PDLIM4: variants seen among roughly 807,000 people sequenced by gnomAD.
The protein encoded by PDLIM4 is PDZ and LIM domain protein 4.
In PDLIM4, 19 loss-of-function variants were observed where a neutral mutation model predicts 31.3. The observed-to-expected ratio is 0.61, with a 90% CI of 0.42 to 0.89. The LOEUF (loss-of-function observed/expected upper bound fraction) is 0.89. PDLIM4 is among the 40% of genes least tolerant of loss of function. PDLIM4 has a pLI of 0.00. For missense variants in PDLIM4, 442 were observed against 461.1 expected (o/e 0.96, Z 0.38); for synonymous variants, 176 against 190.1 (o/e 0.93, Z 0.61).
In PDLIM4 at chr5:132,272,224, G is replaced by C. The variant is rs1756642096; in HGVS notation, c.988G>C (p.Val330Leu). The C allele has an allele frequency of 2.5e-6, 4 of 1,613,480 alleles. No individual in the cohort carries two copies. The highest frequency in any genetic ancestry group is 3.4e-6 in the Non-Finnish European group (4 of 1,179,494). Reference protein sequence around the residue: ...AVYPNAKVELV With the variant: ...AVYPNAKVELL ...GTACCCCAATGCCAAGGTGGAACTC[G>C]TCTGAGCTGGGACCCTGCTCCCACG... Residue 330 changes from valine (V) to leucine (L), a missense_variant, in exon 7 of 7, where the codon GTC becomes CTC. Val to Leu is a conservative substitution (Grantham distance 32). Coordinates refer to ENST00000253754, the MANE Select transcript of PDLIM4 (RefSeq NM_003687.4).
chr5:132,266,674 A>G, intron 3 of PDLIM4, 129 bp downstream of exon 3: 2 of 590,552 alleles, frequency 3.4e-6, no homozygotes, highest in Non-Finnish European at 6.0e-6. Flanking sequence ...AGACTGAAGC[A>G]GAAGTTTTCT....
At chr5:132,259,512 C>T (rs934781330) in intron 1 of PDLIM4, among the ~76,000 whole-genome samples, 1 of 152,156 alleles carries the variant, frequency 6.6e-6, no homozygotes, top group African/African-American at 2.4e-5. Context: ...GGCAGCAGCT[C>T]AGGCCCAAGG....
chr5:132,257,863 C>T lies in PDLIM4; in HGVS notation c.93+36C>T. 1 of 1,245,990 alleles carries T rather than the reference C, an allele frequency of 8.0e-7. No individual in the cohort carries two copies. The highest frequency in any genetic ancestry group is 1.1e-6 in the Non-Finnish European group (1 of 926,878). The allele number at this position is 1,245,990 out of a possible 1,614,324, so 77.2% of individuals were successfully genotyped here. On this transcript the variant is annotated intron_variant, in intron 1 of 6. Coordinates refer to ENST00000253754, the MANE Select transcript of PDLIM4 (RefSeq NM_003687.4). This position sits in a 1 kb window ranked among gnomAD's most constrained non-coding sequence, Gnocchi z 4.3. ...CGGCTGCGTGGCGGCAGGGCGGTCCCATGTCTGAGACCGGGTTCTCGCGGT... is the reference window on the plus strand; with the variant it reads ...CGGCTGCGTGGCGGCAGGGCGGTCCTATGTCTGAGACCGGGTTCTCGCGGT...
chr5:132,266,382 A>G (rs762730207), intron 2 of PDLIM4, 82 bp from the exon 3 acceptor site: 5 of 886,136 alleles, frequency 5.6e-6, no homozygotes, highest in Non-Finnish European at 9.4e-6. Flanking sequence ...CACAGCCCAG[A>G]GCCCAGCCCC....
chr5:132,262,768 C>A lies in PDLIM4; in HGVS notation c.245+8C>A. ...CACACTGTCTGTGAGCAGGTATGCA[C>A]AGGTGGGCTGGGCTGGGAGGATGGA... On this transcript the variant is annotated splice_region_variant and intron_variant, in intron 2 of 6. Coordinates refer to ENST00000253754, the MANE Select transcript of PDLIM4 (RefSeq NM_003687.4). The A allele has an allele frequency of 6.2e-7, 1 of 1,608,624 alleles. No homozygotes were observed. The highest frequency in any genetic ancestry group is 8.5e-7 in the Non-Finnish European group (1 of 1,176,846).
intron 3 of PDLIM4, among the ~76,000 whole-genome samples, chr5:132,267,983 G>C (rs189339123): frequency 6.6e-6 from 1 of 152,294 alleles, no homozygotes; most frequent in East Asian, 1.9e-4. Flanking sequence ...TCATGCATGA[G>C]GCCCAGCCTC....
At chr5:132,268,637 A>G (rs1036489044) in intron 3 of PDLIM4, among the ~76,000 whole-genome samples, 9 of 152,158 alleles carry the variant, frequency 5.9e-5, no homozygotes, top group African/African-American at 1.9e-4. Flanking sequence ...AGGAGTGGCA[A>G]TTATGCTCAG....
chr5:132,271,734 A>T (rs749573920), intron 5 of PDLIM4, 57 bp from the exon 6 acceptor site: 1 of 1,248,886 alleles, frequency 8.0e-7, no homozygotes, highest in South Asian at 1.2e-5. Context: ...AACACCCCGC[A>T]GAAATGGAGT....
chr5:132,258,307 C>T (rs1174996814), intron 1 of PDLIM4, among the ~76,000 whole-genome samples: 1 of 152,232 alleles, frequency 6.6e-6, no homozygotes, highest in Non-Finnish European at 1.5e-5. Flanking sequence ...AGAGGTCCAT[C>T]CACTTCCCAC....
Position 132,272,221 on chromosome 5 carries a change from C to T in PDLIM4, c.985C>T (p.Leu329Phe), listed in dbSNP as rs1296765742. The change falls in exon 7 of 7, where the codon CTC becomes TTC. Residue 329 changes from leucine to phenylalanine, a missense_variant. By Grantham distance (22) the Leu-to-Phe change is conservative. Transcript: ENST00000253754. ...VAVYPNAKVE[L>F]V is the part of the protein sequence containing the mutation. Reference sequence around the variant, plus strand: ...GGTGTACCCCAATGCCAAGGTGGAACTCGTCTGAGCTGGGACCCTGCTCCC... The same window carrying T: ...GGTGTACCCCAATGCCAAGGTGGAATTCGTCTGAGCTGGGACCCTGCTCCC... 6.2e-7 allele frequency: 1 copy of T among 1,613,726 alleles called. No homozygotes were observed. The highest frequency in any genetic ancestry group is 1.1e-5 in the South Asian group (1 of 91,072).
chr5:132,260,257 T>G (rs1279760303), intron 1 of PDLIM4, among the ~76,000 whole-genome samples: 4 of 152,208 alleles, frequency 2.6e-5, no homozygotes, highest in Admixed American at 1.3e-4. Context: ...GGCTGATTCA[T>G]GCCCTCACCG....
rs3209794 is a variant in PDLIM4 at position 132,272,175 on chromosome 5, C to T, written c.939C>T (p.Pro313=). The change falls in exon 7 of 7, where the codon CCC becomes CCT. Residue 313 remains proline, a synonymous_variant. Transcript: ENST00000253754. ...ACGCCAAGGCGCGCGTGAAGCCGCC[C>T]GAGGGCTACGACGTGGTGGCGGTGT... ...ESHAKARVKP[P]EGYDVVAVYP... 2.5e-6 allele frequency: 4 copies of T among 1,614,116 alleles called. No homozygotes were observed. Among genetic ancestry groups the T allele is most frequent in the African/African-American group, 1.3e-5 (1 of 74,956 alleles).
At position 132,257,956 on chromosome 5, in the gene PDLIM4, A is replaced by C; in HGVS notation, c.93+129A>C. Reference sequence around the variant, plus strand: ...CGGAGGGTTGGCCTGGGCGCCCCGCATGCTGTAGAGGCGGCTTCCAGGCAG... The same window carrying C: ...CGGAGGGTTGGCCTGGGCGCCCCGCCTGCTGTAGAGGCGGCTTCCAGGCAG... On this transcript the variant is annotated intron_variant, in intron 1 of 6. Coordinates refer to ENST00000253754, the MANE Select transcript of PDLIM4 (RefSeq NM_003687.4). This position sits in a 1 kb window ranked among gnomAD's most constrained non-coding sequence, Gnocchi z 4.3. 1 of 506,736 alleles carries C rather than the reference A, an allele frequency of 2.0e-6. No individual in the cohort carries two copies. Among genetic ancestry groups the C allele is most frequent in the South Asian group, 3.1e-5 (1 of 32,218 alleles). 31.4% of individuals were successfully genotyped at this position (506,736 alleles called of 1,614,324 possible).
In PDLIM4 at chr5:132,272,047, G is replaced by C; in HGVS notation, c.811G>C (p.Asp271His). 6.2e-7 allele frequency: 1 copy of C among 1,614,238 alleles called. No individual in the cohort carries two copies. Among genetic ancestry groups the C allele is most frequent in the Non-Finnish European group, 8.5e-7 (1 of 1,180,028 alleles). ...GIVGTIVKAR[D>H]KLYHPECFMC... is the part of the protein sequence containing the mutation. ...CAGGGGCACCATCGTCAAGGCACGG[G>C]ACAAGCTCTACCATCCCGAGTGCTT... The change falls in exon 7 of 7, where the codon GAC (aspartate) becomes CAC (histidine). Residue 271 changes from aspartate to histidine, a missense_variant. Coordinates refer to ENST00000253754, the MANE Select transcript of PDLIM4 (RefSeq NM_003687.4).
rs187725692 is a variant in PDLIM4 at position 132,266,397 on chromosome 5, G to A, written c.246-67G>A. ...CACAGCCCAGAGCCCAGCCCCTCTT[G>A]ATCCTGGCTCCCAGGCATGGTGGGC... On this transcript the variant is annotated intron_variant, in intron 2 of 6. Coordinates refer to ENST00000253754, the MANE Select transcript of PDLIM4 (RefSeq NM_003687.4). 3.1e-5 allele frequency: 34 copies of A among 1,088,754 alleles called. No homozygotes were observed. The East Asian group carries it at 6.7e-4, about 21-fold the overall frequency. The allele number at this position is 1,088,754 out of a possible 1,614,324, so 67.4% of individuals were successfully genotyped here.
chr5:132,262,099 A>T (rs997881612), intron 1 of PDLIM4, among the ~76,000 whole-genome samples: 1 of 152,162 alleles, frequency 6.6e-6, no homozygotes, highest in Non-Finnish European at 1.5e-5. Flanking sequence ...AGACATTCAC[A>T]TGGTCTGGAC....
chr5:132,265,405 C>G (rs1756469769), intron 2 of PDLIM4, among the ~76,000 whole-genome samples: 1 of 152,116 alleles, frequency 6.6e-6, no homozygotes, highest in East Asian at 1.9e-4. Context: ...GTTAGGGTAC[C>G]CACTTGGGAG....
In PDLIM4 at chr5:132,266,520, G is replaced by C. The variant is rs1756496150; in HGVS notation, c.302G>C (p.Arg101Thr). ...APDDSKAQAH[R>T]IHIDPEIQDG... ...GATGACAGCAAGGCTCAGGCACACA[G>C]GATCCACATCGATCCTGAGATCCAG... is the stretch of plus-strand genomic sequence containing the variant. The change falls in exon 3 of 7, where the codon AGG becomes ACG. Residue 101 changes from arginine to threonine, a missense_variant. Arg to Thr is a moderately conservative substitution (Grantham distance 71). Transcript: ENST00000253754. 1 of 1,612,988 alleles carries C rather than the reference G, an allele frequency of 6.2e-7. No homozygotes were observed. The highest frequency in any genetic ancestry group is 8.5e-7 in the Non-Finnish European group (1 of 1,179,302).
chr5:132,267,775 G>T (rs887010688), intron 3 of PDLIM4, among the ~76,000 whole-genome samples: 2 of 152,182 alleles, frequency 1.3e-5, no homozygotes, highest in Non-Finnish European at 2.9e-5. Flanking sequence ...CAGGGCCACA[G>T]AAAGGCTCTT....
Sources: allele counts gnomAD v4.1 joint callset (sites outside exome capture counted in the v4.1 genomes callset), GRCh38; gene constraint gnomAD v4.1.1; non-coding constraint Gnocchi (gnomAD v3.1); transcripts MANE v1.5; gene names NCBI Gene and HGNC (gene_info 2026-07-23, HGNC 2026-07-21).